CLYBL: variants seen among roughly 807,000 people sequenced by gnomAD.
CLYBL encodes the protein citramalyl-CoA lyase, also known as citramalyl-CoA lyase, mitochondrial.
Under a neutral mutation model 38.9 loss-of-function variants are expected in CLYBL, and 31 were observed. The observed-to-expected ratio is 0.80, with a 90% CI of 0.60 to 1.08. CLYBL has a LOEUF of 1.08. CLYBL is among the 50% of genes least tolerant of loss of function. The pLI, the probability that CLYBL is intolerant of heterozygous loss-of-function variation, is 0.00. For synonymous variants in CLYBL, 171 were observed against 158.6 expected (o/e 1.08, Z -0.59); for missense variants, 434 against 411.6 (o/e 1.05, Z -0.47).
At chr13:99,738,911 T>G (rs1302863613) in intron 1 of CLYBL, among the ~76,000 whole-genome samples, 1 of 152,188 alleles carries the variant, frequency 6.6e-6, no homozygotes, top group Non-Finnish European at 1.5e-5. Context: ...TCTCGTGCTG[T>G]TAACAGACAT....
chr13:99,729,610 C>T (rs924046698), intron 1 of CLYBL, among the ~76,000 whole-genome samples: 2 of 152,126 alleles, frequency 1.3e-5, no homozygotes, highest in Admixed American at 6.5e-5. Flanking sequence ...GAGGGGACTG[C>T]GGAAAGCGCA....
intron 1 of CLYBL, among the ~76,000 whole-genome samples, chr13:99,624,361 T>G (rs2046840394): frequency 6.6e-6 from 1 of 152,192 alleles, no homozygotes. Context: ...CATCACTAAT[T>G]ATCTATTTGA....
At chr13:99,877,337 T>A (rs1215103159) in intron 7 of CLYBL, among the ~76,000 whole-genome samples, 2 of 152,108 alleles carry the variant, frequency 1.3e-5, no homozygotes, top group Non-Finnish European at 2.9e-5. Context: ...CCTGTATTTC[T>A]CCCTCTAAGG....
At chr13:99,888,613 C>G (rs2052411639) in intron 7 of CLYBL, among the ~76,000 whole-genome samples, 1 of 152,172 alleles carries the variant, frequency 6.6e-6, no homozygotes, top group South Asian at 2.1e-4. Flanking sequence ...ATTAGCCAAA[C>G]GTGGTGGCAC....
chr13:99,875,876 C>T (rs910857782), intron 7 of CLYBL, among the ~76,000 whole-genome samples: 3 of 152,102 alleles, frequency 2.0e-5, no homozygotes, highest in Non-Finnish European at 4.4e-5. Context: ...CTCTTTATTT[C>T]CCTGCTCATT....
chr13:99,666,715 G>A lies in CLYBL; in HGVS notation c.62+59958G>A, dbSNP rs543742689. Among the ~76,000 whole-genome samples the A allele has an allele frequency of 1.8e-4, 27 of 152,132 alleles. 1 individual carries two copies. The highest frequency in any genetic ancestry group is 6.2e-4 in the South Asian group (3 of 4,818). On this transcript the variant is annotated intron_variant, in intron 1 of 8. Coordinates refer to ENST00000339105, the MANE Select transcript of CLYBL (RefSeq NM_206808.5). ...TTATGCACACATGGTATTTTTTCCC[G>A]CATTTGAATCAGATGTAGCAGGTGT...
chr13:99,716,965 A>G (rs1183919545), intron 1 of CLYBL, among the ~76,000 whole-genome samples: 1 of 149,208 alleles, frequency 6.7e-6, no homozygotes, highest in African/African-American at 2.5e-5. Flanking sequence ...CTAATTTTGT[A>G]TTTTTAGTAG....
chr13:99,837,748 G>A (rs1218745878), intron 2 of CLYBL, among the ~76,000 whole-genome samples: 2 of 152,258 alleles, frequency 1.3e-5, no homozygotes, highest in Non-Finnish European at 2.9e-5. Flanking sequence ...GTGCACCAGC[G>A]CAGCAGCTTT....
chr13:99,677,794 G>A (rs1594115177), intron 1 of CLYBL, among the ~76,000 whole-genome samples: 1 of 152,066 alleles, frequency 6.6e-6, no homozygotes, highest in Non-Finnish European at 1.5e-5. Context: ...TGTTTTATTT[G>A]TACATAAAAA....
rs560127547 is a variant in CLYBL, at chr13:99,614,933, G to C, written c.62+8176G>C. 1.1e-3 allele frequency among the ~76,000 whole-genome samples: 175 copies of C among 152,278 alleles called. 2 individuals carry two copies. The highest frequency in any genetic ancestry group is 4.1e-3 in the African/African-American group (172 of 41,554). ...TGGCCACTGAGAAGACTCTGTCCTT[G>C]CAAATAACTCTCCTTAGTGCCCATA... On this transcript the variant is annotated intron_variant, in intron 1 of 8. Transcript: ENST00000339105.
intron 2 of CLYBL, among the ~76,000 whole-genome samples, chr13:99,799,858 C>T (rs1459043538): frequency 6.6e-6 from 1 of 152,214 alleles, no homozygotes; most frequent in East Asian, 1.9e-4. Context: ...ATGTTGTGTG[C>T]CTGCTTATGT....
intron 1 of CLYBL, among the ~76,000 whole-genome samples, chr13:99,619,627 G>A (rs1331714928): frequency 2.0e-5 from 3 of 152,152 alleles, no homozygotes; most frequent in Non-Finnish European, 2.9e-5. Flanking sequence ...TACTAACTCT[G>A]CTATAGGCAG....
intron 1 of CLYBL, among the ~76,000 whole-genome samples, chr13:99,752,608 C>G (rs1428411718): frequency 6.9e-6 from 1 of 145,144 alleles, no homozygotes; most frequent in African/African-American, 2.4e-5. Context: ...TACCCTGCCC[C>G]CTCCTGCTGC....
chr13:99,907,924 G>A (rs538725494), intron 9 of CLYBL, among the ~76,000 whole-genome samples: 4 of 152,268 alleles, frequency 2.6e-5, no homozygotes, highest in East Asian at 1.9e-4. Flanking sequence ...ATGGGCTTGC[G>A]AGGGACTCCT....
intron 1 of CLYBL, among the ~76,000 whole-genome samples, chr13:99,677,410 A>C (rs2047670172): frequency 1.3e-5 from 2 of 152,038 alleles, no homozygotes; most frequent in South Asian, 4.1e-4. Flanking sequence ...ATCTCAAAAC[A>C]CGTGGCTTTT....
chr13:99,802,016 C>CA lies in CLYBL; in HGVS notation c.249+29012dup, dbSNP rs2050146015. Among the ~76,000 whole-genome samples, 4 of 151,996 alleles carry CA rather than the reference C, an allele frequency of 2.6e-5. No homozygotes were observed. The East Asian group carries it at 7.7e-4, about 29-fold the overall frequency. On this transcript the variant is annotated intron_variant, in intron 2 of 8. Coordinates refer to ENST00000339105, the MANE Select transcript of CLYBL (RefSeq NM_206808.5). ...GGGCAACAAGAGTGAAACTCCATCT[C>CA]AAAAAACAAAAAAACAAAAAAACAC...
chr13:99,677,965 T>A (rs1017673756), intron 1 of CLYBL, among the ~76,000 whole-genome samples: 3 of 152,236 alleles, frequency 2.0e-5, no homozygotes, highest in African/African-American at 7.2e-5. Flanking sequence ...TTTGTGGCTT[T>A]TCCTCCTGAC....
rs539418427 is a variant in CLYBL, at chr13:99,709,435, C to G, written c.63-63389C>G. Among the ~76,000 whole-genome samples the G allele has an allele frequency of 3.7e-4, 56 of 152,254 alleles. 1 individual carries two copies. The highest frequency in any genetic ancestry group is 1.2e-3 in the African/African-American group (51 of 41,538). On this transcript the variant is annotated intron_variant, in intron 1 of 8. Transcript: ENST00000339105. ...TCCGCTACTGTGTTTCTCATTGACC[C>G]GAGAACCTGCCTTTGTCCATGTCCT... is the stretch of plus-strand genomic sequence containing the variant.
At chr13:99,686,441 G>T in intron 1 of CLYBL, among the ~76,000 whole-genome samples, 1 of 152,110 alleles carries the variant, frequency 6.6e-6, no homozygotes, top group South Asian at 2.1e-4. Context: ...TTGGAGTTCT[G>T]TTTCCACAGT....
Sources: allele counts gnomAD v4.1 joint callset (sites outside exome capture counted in the v4.1 genomes callset), GRCh38; gene constraint gnomAD v4.1.1; transcripts MANE v1.5; gene names NCBI Gene and HGNC (gene_info 2026-07-23, HGNC 2026-07-21).